Variants in CBLB observed in about 807,000 individuals in gnomAD.
CBLB encodes the protein E3 ubiquitin-protein ligase CBL-B.
A neutral mutation model predicts 104.9 loss-of-function variants in CBLB; 31 were observed. The ratio of observed to expected loss-of-function variants is 0.30; its 90% CI spans 0.22 to 0.40. The LOEUF (loss-of-function observed/expected upper bound fraction) is 0.40. CBLB is among the 10% of genes least tolerant of loss of function. The probability of loss-of-function intolerance (pLI) is 1.00; values close to 1 mark genes in which losing one functional copy is unlikely to be tolerated. For missense variants in CBLB, 1,062 were observed against 1,214.6 expected (o/e 0.87, Z 1.87); for synonymous variants, 440 against 422.6 (o/e 1.04, Z -0.51).
chr3:105,862,343 T>TA (rs1485256206), intron 2 of CBLB, among the ~76,000 whole-genome samples: 1 of 152,204 alleles, frequency 6.6e-6, no homozygotes, highest in Non-Finnish European at 1.5e-5. Flanking sequence ...TTTTCCTTCT[T>TA]ACGTTCCTTA....
At chr3:105,707,948 T>A (rs2070445992) in intron 10 of CBLB, among the ~76,000 whole-genome samples, 4 of 152,246 alleles carry the variant, frequency 2.6e-5, no homozygotes, top group South Asian at 4.1e-4. Flanking sequence ...TAGCTGCATT[T>A]TTTATTTTTA....
chr3:105,708,314 C>T (rs2070519245), intron 10 of CBLB, among the ~76,000 whole-genome samples: 1 of 152,118 alleles, frequency 6.6e-6, no homozygotes, highest in African/African-American at 2.4e-5. Flanking sequence ...CTAATTATCA[C>T]TTACTGATTT....
Position 105,658,871 on chromosome 3 carries a change from G to A in CBLB, c.*99C>T. ...CTCTTCTCAAGCTGCTACACGAGGA[G>A]GAGACACTTCTCTCTTGAATTCCAT... On this transcript the variant is annotated 3_prime_UTR_variant, in exon 19 of 19. Coordinates refer to ENST00000394030, the MANE Select transcript of CBLB (RefSeq NM_170662.5). 1 of 1,314,260 alleles carries A rather than the reference G, an allele frequency of 7.6e-7. No homozygotes were observed. The highest frequency in any genetic ancestry group is 1.1e-6 in the Non-Finnish European group (1 of 920,464). The allele number at this position is 1,314,260 out of a possible 1,614,324, so 81.4% of individuals were successfully genotyped here. A position where few individuals can be genotyped will look rare whatever the true frequency, so the allele number is the denominator to read the frequency against.
chr3:105,832,944 G>T (rs9827056), intron 3 of CBLB, among the ~76,000 whole-genome samples: 1,827 of 152,284 alleles, frequency 0.012, 32 homozygotes, highest in African/African-American at 0.042. Flanking sequence ...CTCAGGGAAG[G>T]CCTCTCTGAG....
intron 3 of CBLB, among the ~76,000 whole-genome samples, chr3:105,799,120 G>A (rs2082548745): frequency 6.8e-6 from 1 of 147,930 alleles, no homozygotes; most frequent in Middle Eastern, 3.5e-3. Context: ...AAATAGAAAT[G>A]GGAAAATAAT....
intron 3 of CBLB, among the ~76,000 whole-genome samples, chr3:105,830,439 T>C (rs1406650992): frequency 6.6e-6 from 1 of 152,214 alleles, no homozygotes; most frequent in Non-Finnish European, 1.5e-5. Flanking sequence ...ACAGGAAGCG[T>C]TGGTAACCCG....
In CBLB at chr3:105,783,564, G is replaced by A. The variant is rs62261537; in HGVS notation, c.420-7022C>T. Reference sequence around the variant, plus strand: ...TCAAATCTCTGAGTGCCTATTATACGCCAGGCTTAGTCTAGGCACTGATAT... The same window carrying A: ...TCAAATCTCTGAGTGCCTATTATACACCAGGCTTAGTCTAGGCACTGATAT... On this transcript the variant is annotated intron_variant, in intron 3 of 18. Transcript: ENST00000394030. Among the ~76,000 whole-genome samples, 29 of 152,114 alleles carry A rather than the reference G, an allele frequency of 1.9e-4. No homozygotes were observed. In the East Asian group the frequency reaches 1.9e-3, roughly 10 times the overall value.
chr3:105,754,652 T>C (rs887743846), intron 4 of CBLB, among the ~76,000 whole-genome samples: 6 of 152,156 alleles, frequency 3.9e-5, no homozygotes, highest in African/African-American at 1.4e-4. Flanking sequence ...ACCACTTAAG[T>C]TGCAGGCTGA....
At chr3:105,675,713 A>T (rs1466540797) in intron 17 of CBLB, among the ~76,000 whole-genome samples, 2 of 151,908 alleles carry the variant, frequency 1.3e-5, no homozygotes, top group Non-Finnish European at 2.9e-5. Context: ...GCAAAACCCC[A>T]TCTCTACTAA....
intron 2 of CBLB, among the ~76,000 whole-genome samples, chr3:105,856,811 C>A (rs2091666262): frequency 6.6e-6 from 1 of 152,036 alleles, no homozygotes; most frequent in African/African-American, 2.4e-5. Context: ...GCTGACAGAG[C>A]TTTTTTTACC....
intron 10 of CBLB, among the ~76,000 whole-genome samples, chr3:105,717,836 G>A (rs954102931): frequency 2.0e-5 from 3 of 152,176 alleles, no homozygotes; most frequent in African/African-American, 7.2e-5. Flanking sequence ...GTATTACATA[G>A]TATTATTAAT....
intron 3 of CBLB, chr3:105,824,060 T>C (rs2086241972): frequency 6.6e-6 from 1 of 152,228 alleles, no homozygotes; most frequent in Admixed American, 6.5e-5. Context: ...CTCCTCTGCT[T>C]TCCTAACTTT....
chr3:105,739,390 G>A (rs1252454596), intron 7 of CBLB, among the ~76,000 whole-genome samples: 2 of 152,058 alleles, frequency 1.3e-5, no homozygotes, highest in Admixed American at 1.3e-4. Flanking sequence ...ATACTGCAGC[G>A]AGTTTGATCA....
chr3:105,863,507 C>T lies in CBLB; in HGVS notation c.168+3903G>A, dbSNP rs577394307. Among the ~76,000 whole-genome samples the T allele has an allele frequency of 7.9e-5, 12 of 152,292 alleles. No individual in the cohort carries two copies. In the South Asian group the frequency reaches 2.1e-3, roughly 26 times the overall value. ...CTTAGTAAACACAAACAACAGGCATCTAAAACCTGTCTTAGTCCACATGGA... is the reference window on the plus strand; with the variant it reads ...CTTAGTAAACACAAACAACAGGCATTTAAAACCTGTCTTAGTCCACATGGA... On this transcript the variant is annotated intron_variant, in intron 2 of 18. Transcript: ENST00000394030.
rs939245360 is a variant in CBLB at position 105,804,738 on chromosome 3, G to A, written c.420-28196C>T. Among the ~76,000 whole-genome samples, 5 of 150,690 alleles carry A rather than the reference G, an allele frequency of 3.3e-5. No individual in the cohort carries two copies. The South Asian group carries it at 6.3e-4, about 19-fold the overall frequency. On this transcript the variant is annotated intron_variant, in intron 3 of 18. Coordinates refer to ENST00000394030, the MANE Select transcript of CBLB (RefSeq NM_170662.5). ...ATACTGTTGTCCTTAAAGTTCACCAGCTCCCAACATCTGTTATATCCATTC... is the reference window on the plus strand; with the variant it reads ...ATACTGTTGTCCTTAAAGTTCACCAACTCCCAACATCTGTTATATCCATTC...
intron 4 of CBLB, among the ~76,000 whole-genome samples, chr3:105,771,662 A>G (rs2078890221): frequency 6.6e-6 from 1 of 152,210 alleles, no homozygotes; most frequent in Non-Finnish European, 1.5e-5. Context: ...AAGCTCCCAG[A>G]TCTTATAAAT....
At chr3:105,783,923 T>C (rs574387926) in intron 3 of CBLB, among the ~76,000 whole-genome samples, 40 of 152,316 alleles carry the variant, frequency 2.6e-4, no homozygotes, top group African/African-American at 9.4e-4. Flanking sequence ...ATAAACCTTA[T>C]CTCAATATAT....
At chr3:105,863,113 C>A (rs2092224989) in intron 2 of CBLB, among the ~76,000 whole-genome samples, 2 of 152,176 alleles carry the variant, frequency 1.3e-5, no homozygotes, top group South Asian at 2.1e-4. Flanking sequence ...GCTAAAAATT[C>A]TGTAATATTT....
rs1286999547 is a variant in CBLB, at chr3:105,658,568, G to A, written c.*402C>T. The A allele has an allele frequency of 3.6e-6, 1 of 276,998 alleles. No homozygotes were observed. Among genetic ancestry groups the A allele is most frequent in the African/African-American group, 2.1e-5 (1 of 46,740 alleles). The allele number at this position is 276,998 out of a possible 1,614,324, so 17.2% of individuals were successfully genotyped here. On this transcript the variant is annotated 3_prime_UTR_variant, in exon 19 of 19. Transcript: ENST00000394030. ...AGAGTTGGTGGGAAATGTTACAGCA[G>A]ACCTGACCACGCTACAAAGGGTCTG...
Sources: gnomAD v4.1 joint callset for allele counts (sites outside exome capture counted in the v4.1 genomes callset) on GRCh38, gnomAD v4.1.1 for gene constraint, MANE v1.5 for transcripts, NCBI Gene and HGNC (gene_info 2026-07-23, HGNC 2026-07-21) for gene names.